The following CDK6 variants were observed in gnomAD, a reference collection of about 807,000 sequenced individuals.
The protein encoded by CDK6 is cyclin dependent kinase 6, also known as cyclin-dependent kinase 6.
Under a neutral mutation model 37.1 loss-of-function variants are expected in CDK6, and 6 were observed. The ratio of observed to expected loss-of-function variants is 0.16; its 90% CI spans 0.09 to 0.32. CDK6 has a LOEUF of 0.32. Ranked by LOEUF, CDK6 falls within the 10% of genes least tolerant of loss-of-function variation. CDK6 has a pLI of 1.00. For missense variants in CDK6, 224 were observed against 418.9 expected, an observed-to-expected ratio of 0.53 and a Z score of 4.06; for synonymous variants, 160 against 161.3, an observed-to-expected ratio of 0.99 and a Z score of 0.06.
At chr7:92,806,020 T>C (rs1175609908) in intron 2 of CDK6, among the ~76,000 whole-genome samples, 2 of 152,214 alleles carry the variant, frequency 1.3e-5, no homozygotes, top group Admixed American at 1.3e-4. Flanking sequence ...CACAACAATG[T>C]GAATGTACTT....
In CDK6 at chr7:92,610,448, G is replaced by A. The variant is rs1795537534; in HGVS notation, c.*4692C>T. On this transcript the variant is annotated 3_prime_UTR_variant, in exon 8 of 8. Transcript: ENST00000424848. The stretch of plus-strand genomic sequence containing the variant: ...GAAAGGCTACTTGAGAAAAAAACGT[G>A]TAAAAATTGGACCCCTTCTGTTTTT... 4.3e-6 allele frequency: 1 copy of A among 230,868 alleles called. No individual in the cohort carries two copies. The allele number at this position is 230,868 out of a possible 1,614,324, so 14.3% of individuals were successfully genotyped here.
chr7:92,690,303 T>G (rs1361440727), intron 4 of CDK6, among the ~76,000 whole-genome samples: 1 of 152,014 alleles, frequency 6.6e-6, no homozygotes, highest in Non-Finnish European at 1.5e-5. Flanking sequence ...TTTTTGTATA[T>G]AAGGAAGGGG....
At position 92,611,419 on chromosome 7, in the gene CDK6, T is replaced by C. The variant is rs1344338142; in HGVS notation, c.*3721A>G. On this transcript the variant is annotated 3_prime_UTR_variant, in exon 8 of 8. Coordinates refer to ENST00000424848, the MANE Select transcript of CDK6 (RefSeq NM_001145306.2). ...TTTTGGAAAATGTAAGACACTCTCA[T>C]GTGCTTATCATAAGAATAGTCAAAT... 1 of 226,878 alleles carries C rather than the reference T, an allele frequency of 4.4e-6. No individual in the cohort carries two copies. The highest frequency in any genetic ancestry group is 8.8e-6 in the Non-Finnish European group (1 of 114,240). 14.1% of individuals were successfully genotyped at this position (226,878 alleles called of 1,614,324 possible).
Position 92,659,607 on chromosome 7 carries a change from GAC to G in CDK6, c.647+11817_647+11818del, listed in dbSNP as rs71722069. The stretch of plus-strand genomic sequence containing the variant: ...AATAGCAGGGTAGAGAAGTAGGCAT[GAC>G]ACACACACACACACACACACACACA... On this transcript the variant is annotated intron_variant, in intron 5 of 7. Coordinates refer to ENST00000424848, the MANE Select transcript of CDK6 (RefSeq NM_001145306.2). Among the ~76,000 whole-genome samples, 793 of 145,330 alleles carry G rather than the reference GAC, an allele frequency of 5.5e-3. 2 individuals are homozygous for G. The highest frequency in any genetic ancestry group is 0.013 in the South Asian group (60 of 4,562).
chr7:92,750,364 G>T (rs148794065), intron 3 of CDK6, among the ~76,000 whole-genome samples: 28 of 152,252 alleles, frequency 1.8e-4, no homozygotes, highest in African/African-American at 6.5e-4. Flanking sequence ...TAATTTCACT[G>T]ATTTGTGTAT....
intron 4 of CDK6, among the ~76,000 whole-genome samples, chr7:92,693,239 G>A (rs1303513189): frequency 6.6e-6 from 1 of 152,118 alleles, no homozygotes; most frequent in Non-Finnish European, 1.5e-5. Context: ...TCTTACCTGG[G>A]TTAAGAGAAA....
At chr7:92,617,104 T>C (rs1795698821) in intron 7 of CDK6, among the ~76,000 whole-genome samples, 1 of 152,246 alleles carries the variant, frequency 6.6e-6, no homozygotes, top group African/African-American at 2.4e-5. Context: ...GGATAACTTT[T>C]AGTACATATT....
At chr7:92,826,886 T>C (rs1329289070) in intron 2 of CDK6, among the ~76,000 whole-genome samples, 1 of 152,150 alleles carries the variant, frequency 6.6e-6, no homozygotes, top group Non-Finnish European at 1.5e-5. Flanking sequence ...CCAATGGTTA[T>C]GGACACCATG....
chr7:92,691,434 G>A (rs1356162272), intron 4 of CDK6, among the ~76,000 whole-genome samples: 1 of 152,080 alleles, frequency 6.6e-6, no homozygotes, highest in East Asian at 1.9e-4. Flanking sequence ...TATTTATTGA[G>A]CACCTATTAC....
intron 3 of CDK6, among the ~76,000 whole-genome samples, chr7:92,736,668 G>A (rs1035468614): frequency 6.6e-6 from 1 of 152,170 alleles, no homozygotes; most frequent in African/African-American, 2.4e-5. Flanking sequence ...GGACCACACT[G>A]CAAAGGGATT....
chr7:92,634,294 G>A (rs564253529), intron 5 of CDK6, among the ~76,000 whole-genome samples: 13 of 152,138 alleles, frequency 8.5e-5, no homozygotes, highest in East Asian at 7.7e-4. Flanking sequence ...TGCATATGCC[G>A]TTCTGTCCTC....
At chr7:92,783,069 G>A (rs951533466) in intron 2 of CDK6, among the ~76,000 whole-genome samples, 2 of 152,302 alleles carry the variant, frequency 1.3e-5, no homozygotes, top group East Asian at 1.9e-4. Context: ...TTCCCAAGGA[G>A]CCAGGCAGCT....
chr7:92,627,746 G>GA (rs986729704), intron 5 of CDK6, among the ~76,000 whole-genome samples: 6 of 151,870 alleles, frequency 4.0e-5, no homozygotes, highest in South Asian at 2.1e-4. Context: ...ATGCTAAACT[G>GA]AAAAAAACAC....
chr7:92,622,644 A>C (rs1048843204), intron 6 of CDK6, among the ~76,000 whole-genome samples: 1 of 152,172 alleles, frequency 6.6e-6, no homozygotes, highest in Non-Finnish European at 1.5e-5. Flanking sequence ...TGGGTGACCA[A>C]GGATACTCAG....
chr7:92,641,061 T>A (rs1585360014), intron 5 of CDK6, among the ~76,000 whole-genome samples: 2 of 152,326 alleles, frequency 1.3e-5, no homozygotes, highest in East Asian at 3.9e-4. Flanking sequence ...AATGTTATAA[T>A]GCATAGGAAA....
In CDK6 at chr7:92,611,436, T is replaced by C. The variant is rs1795560600; in HGVS notation, c.*3704A>G. On this transcript the variant is annotated 3_prime_UTR_variant, in exon 8 of 8. Coordinates refer to ENST00000424848, the MANE Select transcript of CDK6 (RefSeq NM_001145306.2). ...CACTCTCATGTGCTTATCATAAGAA[T>C]AGTCAAATTGTCACTTAAAAGAAAA... 1 of 226,806 alleles carries C rather than the reference T, an allele frequency of 4.4e-6. No homozygotes were observed. The highest frequency in any genetic ancestry group is 6.4e-5 in the East Asian group (1 of 15,618). 14.0% of individuals were successfully genotyped at this position (226,806 alleles called of 1,614,324 possible).
At chr7:92,670,523 A>G (rs1797050105) in intron 5 of CDK6, among the ~76,000 whole-genome samples, 1 of 152,244 alleles carries the variant, frequency 6.6e-6, no homozygotes, top group Admixed American at 6.5e-5. Context: ...AAGAAAAAAA[A>G]GATTAGATTA....
At chr7:92,793,520 A>T (rs1800331930) in intron 2 of CDK6, among the ~76,000 whole-genome samples, 1 of 152,156 alleles carries the variant, frequency 6.6e-6, no homozygotes, top group African/African-American at 2.4e-5. Context: ...CTTTTCAACA[A>T]ATGATGCTGG....
At chr7:92,790,471 T>C (rs1327626898) in intron 2 of CDK6, among the ~76,000 whole-genome samples, 2 of 152,176 alleles carry the variant, frequency 1.3e-5, no homozygotes, top group African/African-American at 4.8e-5. Flanking sequence ...CAAATGCATT[T>C]AACCAGCAAA....
Sources: allele counts gnomAD v4.1 joint callset (sites outside exome capture counted in the v4.1 genomes callset), GRCh38; gene constraint gnomAD v4.1.1; transcripts MANE v1.5; gene names NCBI Gene and HGNC (gene_info 2026-07-23, HGNC 2026-07-21).